Variants in NAALADL2 observed in about 807,000 individuals in gnomAD.
The protein encoded by NAALADL2 is N-acetylated alpha-linked acidic dipeptidase like 2, also known as inactive N-acetylated-alpha-linked acidic dipeptidase-like protein 2.
Under a neutral mutation model 87.2 loss-of-function variants are expected in NAALADL2, and 76 were observed. The observed-to-expected ratio is 0.87, with a 90% CI of 0.72 to 1.05. The LOEUF (loss-of-function observed/expected upper bound fraction) is 1.05, where lower values mean the gene tolerates loss of function less well. Among genes scored for constraint, NAALADL2 ranks in the 50% least tolerant of loss-of-function variants. The pLI is 0.00. For missense variants in NAALADL2, 1,089 were observed against 945.8 expected (o/e 1.15, Z -1.99); for synonymous variants, 354 against 331.0 (o/e 1.07, Z -0.75).
chr3:175,182,941 A>G (rs529440025), intron 2 of NAALADL2, among the ~76,000 whole-genome samples: 60 of 152,100 alleles, frequency 3.9e-4, no homozygotes, highest in Admixed American at 3.4e-3. Context: ...TTTAGTTACT[A>G]TAGCTTTGGA....
chr3:175,310,553 A>T (rs1371137313), intron 4 of NAALADL2, among the ~76,000 whole-genome samples: 3 of 151,998 alleles, frequency 2.0e-5, no homozygotes, highest in African/African-American at 7.2e-5. Flanking sequence ...GTTTCTCCCC[A>T]TTTATTATGG....
chr3:175,274,854 A>G (rs1753350219), intron 4 of NAALADL2, among the ~76,000 whole-genome samples: 1 of 152,152 alleles, frequency 6.6e-6, no homozygotes, highest in Non-Finnish European at 1.5e-5. Context: ...TTATATTTTC[A>G]TTTTATTGAC....
At chr3:175,570,270 A>C (rs1265040767) in intron 9 of NAALADL2, among the ~76,000 whole-genome samples, 1 of 152,098 alleles carries the variant, frequency 6.6e-6, no homozygotes, top group African/African-American at 2.4e-5. Flanking sequence ...AGCTGATGAG[A>C]TGAGGGGTGT....
At chr3:174,485,757 C>G (rs1411196197) in intron 1 of NAALADL2, among the ~76,000 whole-genome samples, 6 of 151,922 alleles carry the variant, frequency 3.9e-5, no homozygotes, top group Non-Finnish European at 8.8e-5. Context: ...CTGTAGTGAA[C>G]AAATGCATGC....
chr3:175,662,997 G>T (rs757927957), intron 11 of NAALADL2, among the ~76,000 whole-genome samples: 3 of 151,576 alleles, frequency 2.0e-5, no homozygotes, highest in Non-Finnish European at 3.0e-5. Flanking sequence ...TCTGATTTTG[G>T]TATCAGGGTT....
At chr3:174,958,702 A>G (rs1383051423) in intron 1 of NAALADL2, among the ~76,000 whole-genome samples, 2 of 152,062 alleles carry the variant, frequency 1.3e-5, no homozygotes, top group African/African-American at 4.8e-5. Context: ...TTCTTCTTAC[A>G]TTACAAATAG....
chr3:174,938,319 C>G (rs1029929848), intron 1 of NAALADL2, among the ~76,000 whole-genome samples: 3 of 152,008 alleles, frequency 2.0e-5, no homozygotes, highest in African/African-American at 7.2e-5. Flanking sequence ...AGATAATAGC[C>G]TCCAGCTCTA....
chr3:175,232,015 T>A (rs1338614495), intron 2 of NAALADL2, among the ~76,000 whole-genome samples: 1 of 151,970 alleles, frequency 6.6e-6, no homozygotes, highest in Non-Finnish European at 1.5e-5. Context: ...CTCTTACTGG[T>A]AATGAAAAAG....
At chr3:175,052,546 C>A (rs4504174) in intron 1 of NAALADL2, among the ~76,000 whole-genome samples, 33,527 of 152,020 alleles carry the variant, frequency 0.22, 5,001 homozygotes, top group African/African-American at 0.41. Context: ...CATTGAAATC[C>A]CAGAGCTTCC....
At position 175,527,136 on chromosome 3, in the gene NAALADL2, A is replaced by G. The variant is rs1339969088; in HGVS notation, c.1654-48905A>G. The stretch of plus-strand genomic sequence containing the variant: ...CTGAGGAAGAAAAGGGACCTGCCAC[A>G]ACCAATCTAGGTGGGAGGAAATTTG... On this transcript the variant is annotated intron_variant, in intron 9 of 13. Coordinates refer to ENST00000454872, the MANE Select transcript of NAALADL2 (RefSeq NM_207015.3). Among the ~76,000 whole-genome samples the G allele has an allele frequency of 7.2e-5, 11 of 152,274 alleles. No individual in the cohort carries two copies. In the South Asian group the frequency reaches 1.9e-3, roughly 26 times the overall value.
At chr3:174,930,613 A>ATTTTTTTTTTTTTTTTTTTTTTTTT (rs1188907600) in intron 1 of NAALADL2, among the ~76,000 whole-genome samples, 2 of 99,776 alleles carry the variant, frequency 2.0e-5, no homozygotes, top group African/African-American at 8.8e-5. Context: ...AATAAGATGA[A>ATTTTTTTTTTTTTTTTTTTTTTTTT]CTTTTTTTTT....
chr3:175,383,325 A>G (rs1443827404), intron 5 of NAALADL2, among the ~76,000 whole-genome samples: 2 of 152,014 alleles, frequency 1.3e-5, no homozygotes, highest in Non-Finnish European at 2.9e-5. Flanking sequence ...TTATGTAACT[A>G]TGGGGCACAA....
At chr3:174,661,547 C>CTTCTTCTTTCTTCT (rs151292411) in intron 2 of NAALADL2, among the ~76,000 whole-genome samples, 2 of 151,940 alleles carry the variant, frequency 1.3e-5, no homozygotes, top group Admixed American at 6.6e-5. Context: ...GATGCTTCTT[C>CTTCTTCTTTCTTCT]TTCTTCTTTC....
intron 5 of NAALADL2, among the ~76,000 whole-genome samples, chr3:175,420,261 G>A (rs1301954699): frequency 6.6e-6 from 1 of 151,978 alleles, no homozygotes; most frequent in Non-Finnish European, 1.5e-5. Context: ...ATATAGTCCT[G>A]TTTAGATTGG....
chr3:174,789,442 A>C (rs1013819902), intron 3 of NAALADL2, among the ~76,000 whole-genome samples: 1 of 152,166 alleles, frequency 6.6e-6, no homozygotes, highest in Non-Finnish European at 1.5e-5. Context: ...AATTATTTTA[A>C]AAACCAATTA....
At chr3:174,997,563 G>A (rs111678478) in intron 1 of NAALADL2, among the ~76,000 whole-genome samples, 23 of 152,244 alleles carry the variant, frequency 1.5e-4, no homozygotes, top group African/African-American at 5.1e-4. Flanking sequence ...GGTGGCTCAT[G>A]CCTGTAATCC....
chr3:175,698,730 AC>A (rs1738552162), intron 11 of NAALADL2, among the ~76,000 whole-genome samples: 1 of 151,474 alleles, frequency 6.6e-6, no homozygotes, highest in Non-Finnish European at 1.5e-5. Flanking sequence ...AGACATTATA[AC>A]CATTTAGCCA....
intron 10 of NAALADL2, among the ~76,000 whole-genome samples, chr3:175,620,981 T>C (rs1455101207): frequency 6.6e-6 from 1 of 152,058 alleles, no homozygotes; most frequent in Non-Finnish European, 1.5e-5. Flanking sequence ...TTTTTATAGG[T>C]TTGGAATAAG....
At chr3:175,345,754 G>T (rs9864843) in intron 5 of NAALADL2, among the ~76,000 whole-genome samples, 1 of 151,934 alleles carries the variant, frequency 6.6e-6, no homozygotes, top group South Asian at 2.1e-4. Context: ...AATGGAGCCC[G>T]CAATTCCATA....
Sources: allele counts gnomAD v4.1 joint callset (sites outside exome capture counted in the v4.1 genomes callset), GRCh38; gene constraint gnomAD v4.1.1; transcripts MANE v1.5; gene names NCBI Gene and HGNC (gene_info 2026-07-23, HGNC 2026-07-21).